Variants in RBM47 observed in about 807,000 individuals in gnomAD.
RBM47 encodes the protein RNA binding motif protein 47.
RBM47 carries 21 observed loss-of-function variants against 47.1 expected under a neutral mutation model. That is an observed-to-expected ratio of 0.45 (90% CI 0.32 to 0.64). RBM47 has a LOEUF of 0.64. RBM47 is among the 30% of genes least tolerant of loss of function. The probability of loss-of-function intolerance (pLI) is 0.05; values close to 1 mark genes in which losing one functional copy is unlikely to be tolerated. For synonymous variants in RBM47, 375 were observed against 361.7 expected, an observed-to-expected ratio of 1.04 and a Z score of -0.42; for missense variants, 708 against 870.9, an observed-to-expected ratio of 0.81 and a Z score of 2.35.
intron 1 of RBM47, among the ~76,000 whole-genome samples, chr4:40,570,252 C>T (rs1731581303): frequency 6.6e-6 from 1 of 151,766 alleles, no homozygotes; most frequent in Non-Finnish European, 1.5e-5. Context: ...TATTACATTG[C>T]AGTACATAAT....
At chr4:40,549,109 T>TGGGGGGG (rs369365106) in intron 1 of RBM47, among the ~76,000 whole-genome samples, 1 of 147,002 alleles carries the variant, frequency 6.8e-6, no homozygotes, top group African/African-American at 2.6e-5. Context: ...TCTTTTTTTT[T>TGGGGGGG]GGGGGGGGGG....
intron 1 of RBM47, among the ~76,000 whole-genome samples, chr4:40,621,746 G>C (rs2154281563): frequency 6.6e-6 from 1 of 152,344 alleles, no homozygotes; most frequent in East Asian, 1.9e-4. Context: ...GGTTCAAACA[G>C]AGGGCTACAC....
Position 40,544,411 on chromosome 4 carries a change from T to C in RBM47, c.-155+11A>G, listed in dbSNP as rs1311313072. 2 of 152,260 alleles carry C rather than the reference T, an allele frequency of 1.3e-5. No homozygotes were observed. Among genetic ancestry groups the C allele is most frequent in the African/African-American group, 2.4e-5 (1 of 41,474 alleles). 9.4% of individuals were successfully genotyped at this position (152,260 alleles called of 1,614,324 possible). A position where few individuals can be genotyped will look rare whatever the true frequency, so the allele number is the denominator to read the frequency against. On this transcript the variant is annotated intron_variant, in intron 2 of 6. Transcript: ENST00000295971. The stretch of plus-strand genomic sequence containing the variant: ...TGCATTTGAGTCATGGTGAAGATGA[T>C]GCCAACTTACCAAACCTCCTCAGTG...
rs1208304612 is a variant in RBM47 at position 40,424,451 on chromosome 4, T to A, written c.*1453A>T. On this transcript the variant is annotated 3_prime_UTR_variant, in exon 7 of 7. Transcript: ENST00000295971. ...ACACTGCAACAATACATTAACTTCC[T>A]AATAAAACAAACCTTTTTAATAACA... is the stretch of plus-strand genomic sequence containing the variant. 6.6e-6 allele frequency: 1 copy of A among 152,650 alleles called. No homozygotes were observed. The highest frequency in any genetic ancestry group is 1.5e-5 in the Non-Finnish European group (1 of 68,046). 9.5% of individuals were successfully genotyped at this position (152,650 alleles called of 1,614,324 possible). A position where few individuals can be genotyped will look rare whatever the true frequency, so the allele number is the denominator to read the frequency against.
intron 1 of RBM47, among the ~76,000 whole-genome samples, chr4:40,555,854 T>G (rs538576434): frequency 6.6e-6 from 1 of 152,234 alleles, no homozygotes; most frequent in South Asian, 2.1e-4. Context: ...GAAGGCAATT[T>G]GGACCAGCGA....
intron 3 of RBM47, among the ~76,000 whole-genome samples, chr4:40,464,869 C>T (rs1377690181): frequency 3.2e-4 from 34 of 105,572 alleles, no homozygotes; most frequent in Middle Eastern, 0.01. Flanking sequence ...CCAGCCTGGG[C>T]GACAGAGCAA....
intron 1 of RBM47, among the ~76,000 whole-genome samples, chr4:40,576,265 G>C (rs1246876669): frequency 1.1e-5 from 1 of 91,688 alleles, no homozygotes; most frequent in East Asian, 2.7e-4. Flanking sequence ...TTGGGGGGGG[G>C]CGGAGACAGG....
rs1333890549 is a variant in RBM47, at chr4:40,498,066, A to ATC, written c.-154-31368_-154-31367insGA. 1.5e-5 allele frequency among the ~76,000 whole-genome samples: 2 copies of ATC among 137,916 alleles called. 1 individual carries two copies. Among genetic ancestry groups the ATC allele is most frequent in the Admixed American group, 1.5e-4 (2 of 13,490 alleles). 90.5% of individuals were successfully genotyped at this position (137,916 alleles called of 152,430 possible). A position where few individuals can be genotyped will look rare whatever the true frequency, so the allele number is the denominator to read the frequency against. On this transcript the variant is annotated intron_variant, in intron 2 of 6. Transcript: ENST00000295971. Reference sequence around the variant, plus strand: ...GTAAGTGCTTGTTTTATATATATATATATATATATATATGTTTATCTAATT... The same window carrying ATC: ...GTAAGTGCTTGTTTTATATATATATATCTATATATATATATGTTTATCTAATT...
chr4:40,497,561 C>T (rs1722774898), intron 2 of RBM47, among the ~76,000 whole-genome samples: 1 of 151,854 alleles, frequency 6.6e-6, no homozygotes. Flanking sequence ...CAAGGCTGCA[C>T]TGCAGCCTGG....
At chr4:40,582,267 C>T (rs942210083) in intron 1 of RBM47, among the ~76,000 whole-genome samples, 3 of 152,214 alleles carry the variant, frequency 2.0e-5, no homozygotes, top group Admixed American at 2.0e-4. Context: ...GGCATAGTGG[C>T]TCACGCCTGT....
chr4:40,576,813 C>T (rs1481451538), intron 1 of RBM47, among the ~76,000 whole-genome samples: 1 of 152,194 alleles, frequency 6.6e-6, no homozygotes, highest in Non-Finnish European at 1.5e-5. Context: ...CTGTTGTAAA[C>T]ACTTTGCATG....
intron 1 of RBM47, among the ~76,000 whole-genome samples, chr4:40,606,296 A>G (rs1735752488): frequency 6.6e-6 from 1 of 152,084 alleles, no homozygotes; most frequent in African/African-American, 2.4e-5. Context: ...GGTAGTAGGG[A>G]AATGATTGTT....
chr4:40,576,097 G>A (rs1732274876), intron 1 of RBM47, among the ~76,000 whole-genome samples: 1 of 152,206 alleles, frequency 6.6e-6, no homozygotes, highest in African/African-American at 2.4e-5. Flanking sequence ...CTTGCTAAGA[G>A]GCATCTTTCC....
intron 3 of RBM47, among the ~76,000 whole-genome samples, chr4:40,461,348 C>A (rs532818008): frequency 6.6e-6 from 1 of 152,234 alleles, no homozygotes; most frequent in South Asian, 2.1e-4. Flanking sequence ...GGATATTCTT[C>A]GAGTTAATAA....
chr4:40,583,587 G>A (rs531658647), intron 1 of RBM47, among the ~76,000 whole-genome samples: 9 of 151,812 alleles, frequency 5.9e-5, no homozygotes, highest in East Asian at 1.9e-4. Flanking sequence ...GGCCAGGCGC[G>A]GTGGCTCATG....
At chr4:40,444,703 C>G (rs1714240578) in intron 3 of RBM47, among the ~76,000 whole-genome samples, 1 of 150,612 alleles carries the variant, frequency 6.6e-6, no homozygotes, top group South Asian at 2.1e-4. Flanking sequence ...CTCACTCTGT[C>G]ATCCAGGCTG....
intron 1 of RBM47, among the ~76,000 whole-genome samples, chr4:40,557,636 C>T (rs185178087): frequency 6.6e-6 from 1 of 152,228 alleles, no homozygotes; most frequent in East Asian, 1.9e-4. Flanking sequence ...GAAATCCCAG[C>T]TACTTGGGAT....
intron 1 of RBM47, among the ~76,000 whole-genome samples, chr4:40,618,551 C>G (rs1736951112): frequency 6.6e-6 from 1 of 152,052 alleles, no homozygotes; most frequent in Admixed American, 6.6e-5. Context: ...TGGCTCACAC[C>G]TGTAATTCCA....
intron 1 of RBM47, among the ~76,000 whole-genome samples, chr4:40,584,529 G>A (rs2154271970): frequency 6.6e-6 from 1 of 152,224 alleles, no homozygotes; most frequent in South Asian, 2.1e-4. Context: ...CATGTAATCA[G>A]TATAAAAAAC....
Sources: allele counts gnomAD v4.1 joint callset (sites outside exome capture counted in the v4.1 genomes callset), GRCh38; gene constraint gnomAD v4.1.1; transcripts MANE v1.5; gene names NCBI Gene and HGNC (gene_info 2026-07-23, HGNC 2026-07-21).